The following CHST12 variants were observed in gnomAD, a reference collection of about 807,000 sequenced individuals.
The protein encoded by CHST12 is carbohydrate sulfotransferase 12.
A neutral mutation model predicts 27.9 loss-of-function variants in CHST12; 23 were observed. That is an observed-to-expected ratio of 0.82 (90% CI 0.59 to 1.17). CHST12 has a LOEUF of 1.17. Among genes scored for constraint, CHST12 ranks in the 50% most tolerant of loss-of-function variants. CHST12 has a pLI of 0.00. For missense variants in CHST12, 682 were observed against 603.0 expected (o/e 1.13, Z -1.37); for synonymous variants, 322 against 273.0 (o/e 1.18, Z -1.77).
At chr7:2,403,576 C>CGGGGCCGGCGAG (rs1324672956), upstream of CHST12, 1 of 149,814 alleles carries the variant, frequency 6.7e-6, no homozygotes, top group East Asian at 2.0e-4. Context: ...GCGCCGGGGG[C>CGGGGCCGGCGAG]GGGGCCGGCG....
chr7:2,433,026 G>T lies in CHST12; in HGVS notation c.387G>T (p.Arg129=). Residue 129 remains arginine (R), a synonymous_variant, in exon 2 of 2, where the codon CGG becomes CGT. Coordinates refer to ENST00000618655, the MANE Select transcript of CHST12 (RefSeq NM_018641.5). The surrounding 1 kb of genome is among the most constrained non-coding windows in gnomAD (Gnocchi z 6.1). ...AGGCGGAGCGGAGGAGCGTGCTGCG[G>T]GGCTTCTGCGCCAACTCCAGCCTGG... The part of the protein sequence containing the change: ...RQQAERRSVL[R]GFCANSSLAF... 6.2e-7 allele frequency: 1 copy of T among 1,611,284 alleles called. No homozygotes were observed.
intron 1 of CHST12, among the ~76,000 whole-genome samples, chr7:2,415,741 T>G (rs372297429): frequency 6.6e-6 from 1 of 151,816 alleles, no homozygotes; most frequent in Admixed American, 6.6e-5. Context: ...GCCTCCTGAG[T>G]AGCTGGGACT....
rs1300687139 is a variant in CHST12, at chr7:2,438,289, G to A, written c.*4405G>A. 6.6e-6 allele frequency: 1 copy of A among 152,230 alleles called. No homozygotes were observed. Among genetic ancestry groups the A allele is most frequent in the East Asian group, 1.9e-4 (1 of 5,202 alleles). 9.4% of individuals were successfully genotyped at this position (152,230 alleles called of 1,614,324 possible). On this transcript the variant is annotated 3_prime_UTR_variant, in exon 2 of 2. Coordinates refer to ENST00000618655, the MANE Select transcript of CHST12 (RefSeq NM_018641.5). ...TTGGGGCCACACCAACGTCCCCAGAGTCTTCTCCCTAGAGTCTCTGAAAGG... is the reference window on the plus strand; with the variant it reads ...TTGGGGCCACACCAACGTCCCCAGAATCTTCTCCCTAGAGTCTCTGAAAGG...
In CHST12 at chr7:2,437,272, G is replaced by A. The variant is rs1583231241; in HGVS notation, c.*3388G>A. 1.3e-5 allele frequency: 2 copies of A among 152,272 alleles called. No homozygotes were observed. Among genetic ancestry groups the A allele is most frequent in the African/African-American group, 4.8e-5 (2 of 41,446 alleles). 9.4% of individuals were successfully genotyped at this position (152,272 alleles called of 1,614,324 possible). A position where few individuals can be genotyped will look rare whatever the true frequency, so the allele number is the denominator to read the frequency against. Reference sequence around the variant, plus strand: ...GCCCTGTCTCTTGTGTGATGGCTGCGCCTCGAATCAGTGGGAGGGCACCTC... The same window carrying A: ...GCCCTGTCTCTTGTGTGATGGCTGCACCTCGAATCAGTGGGAGGGCACCTC... On this transcript the variant is annotated 3_prime_UTR_variant, in exon 2 of 2. Coordinates refer to ENST00000618655, the MANE Select transcript of CHST12 (RefSeq NM_018641.5).
chr7:2,415,569 C>T (rs929506289), intron 1 of CHST12, among the ~76,000 whole-genome samples: 13 of 150,836 alleles, frequency 8.6e-5, no homozygotes, highest in Admixed American at 8.6e-4. Context: ...TTGATCAGGG[C>T]GGTGGTTGCT....
At chr7:2,417,817 C>T (rs1047918714) in intron 1 of CHST12, among the ~76,000 whole-genome samples, 7 of 152,228 alleles carry the variant, frequency 4.6e-5, no homozygotes, top group Non-Finnish European at 8.8e-5. Flanking sequence ...TGCTCACAGA[C>T]GCAGTCAGAG....
Position 2,403,667 on chromosome 7 carries a change from T to G in CHST12, c.-84T>G, listed in dbSNP as rs55858457. 0.61 allele frequency: 91,191 copies of G among 148,378 alleles called. 28,045 individuals carry two copies. The highest frequency in any genetic ancestry group is 0.78 in the East Asian group (3,937 of 5,036). 9.2% of individuals were successfully genotyped at this position (148,378 alleles called of 1,614,324 possible). A position where few individuals can be genotyped will look rare whatever the true frequency, so the allele number is the denominator to read the frequency against. ...CGAGGTGAGGGGCGCGAGGTGAGGG[T>G]CGCGAGGTGAGGGGCGCGGCGGGCG... On this transcript the variant is annotated 5_prime_UTR_variant, in exon 1 of 2. Coordinates refer to ENST00000618655, the MANE Select transcript of CHST12 (RefSeq NM_018641.5).
intron 1 of CHST12, among the ~76,000 whole-genome samples, chr7:2,411,827 G>A (rs1040284865): frequency 6.6e-6 from 1 of 152,210 alleles, no homozygotes; most frequent in Non-Finnish European, 1.5e-5. Flanking sequence ...GTGAGTTATC[G>A]TTTGGATTCT....
At chr7:2,414,020 C>T (rs376498681) in intron 1 of CHST12, among the ~76,000 whole-genome samples, 44 of 152,018 alleles carry the variant, frequency 2.9e-4, no homozygotes, top group African/African-American at 8.4e-4. Context: ...TGAGCCACCA[C>T]GCCCGGCCAG....
At position 2,433,372 on chromosome 7, in the gene CHST12, C is replaced by T. The variant is rs1393551872; in HGVS notation, c.733C>T (p.Arg245Cys). 3 of 1,610,718 alleles carry T rather than the reference C, an allele frequency of 1.9e-6. No homozygotes were observed. Among genetic ancestry groups the T allele is most frequent in the African/African-American group, 2.7e-5 (2 of 74,928 alleles). Reference sequence around the variant, plus strand: ...GAAGTACACCAAGTTCCTCTTCGTGCGCGACCCCTTCGTGCGCCTGATCTC... The same window carrying T: ...GAAGTACACCAAGTTCCTCTTCGTGTGCGACCCCTTCGTGCGCCTGATCTC... The part of the protein sequence containing the change: ...LKKYTKFLFV[R>C]DPFVRLISAF... Residue 245 changes from arginine to cysteine, a missense_variant, in exon 2 of 2, where the codon CGC becomes TGC. Arg to Cys is a radical substitution (Grantham distance 180). Transcript: ENST00000618655. The surrounding 1 kb of genome is among the most constrained non-coding windows in gnomAD (Gnocchi z 6.1).
Position 2,447,876 on chromosome 7 carries a change from T to C in CHST12, c.*13992T>C, listed in dbSNP as rs150302446. On this transcript the variant is annotated 3_prime_UTR_variant, in exon 2 of 2. Coordinates refer to ENST00000618655, the MANE Select transcript of CHST12 (RefSeq NM_018641.5). ...GGGAGAGCAGCCTGAATAAACACTTTTTTTGTTGTTGTTGAGGCAGAGCCT... is the reference window on the plus strand; with the variant it reads ...GGGAGAGCAGCCTGAATAAACACTTCTTTTGTTGTTGTTGAGGCAGAGCCT... 6.6e-6 allele frequency: 1 copy of C among 151,904 alleles called. No individual in the cohort carries two copies. The highest frequency in any genetic ancestry group is 2.1e-4 in the South Asian group (1 of 4,810). 9.4% of individuals were successfully genotyped at this position (151,904 alleles called of 1,614,324 possible).
At position 2,434,101 on chromosome 7, in the gene CHST12, TCCGCCCGC is replaced by T. The variant is rs1211788607; in HGVS notation, c.*220_*227del. The stretch of plus-strand genomic sequence containing the variant: ...CTGGAGTAAAATATCCCCTCTCCCC[TCCGCCCGC>T]CCACCCGCCCGCCCGCTCGCCCGCT... On this transcript the variant is annotated 3_prime_UTR_variant, in exon 2 of 2. Coordinates refer to ENST00000618655, the MANE Select transcript of CHST12 (RefSeq NM_018641.5). The T allele has an allele frequency of 2.7e-6, 1 of 373,986 alleles. No individual in the cohort carries two copies. Among genetic ancestry groups the T allele is most frequent in the East Asian group, 4.6e-5 (1 of 21,538 alleles). 23.2% of individuals were successfully genotyped at this position (373,986 alleles called of 1,614,324 possible). A position where few individuals can be genotyped will look rare whatever the true frequency, so the allele number is the denominator to read the frequency against.
intron 1 of CHST12, among the ~76,000 whole-genome samples, chr7:2,411,662 G>C (rs866474019): frequency 6.6e-6 from 1 of 151,754 alleles, no homozygotes. Context: ...GCTACTTTTT[G>C]TATTTAGTAG....
At position 2,433,647 on chromosome 7, in the gene CHST12, C is replaced by T. The variant is rs144571580; in HGVS notation, c.1008C>T (p.Tyr336=). Residue 336 remains tyrosine, a synonymous_variant, in exon 2 of 2, where the codon TAC becomes TAT. Coordinates refer to ENST00000618655, the MANE Select transcript of CHST12 (RefSeq NM_018641.5). This position sits in a 1 kb window ranked among gnomAD's most constrained non-coding sequence, Gnocchi z 6.1. ...YRLCHPCQID[Y]DFVGKLETLD... ...TCTGCCACCCGTGCCAGATCGACTACGACTTCGTGGGGAAGCTGGAGACTC... is the reference window on the plus strand; with the variant it reads ...TCTGCCACCCGTGCCAGATCGACTATGACTTCGTGGGGAAGCTGGAGACTC... 24 of 1,613,650 alleles carry T rather than the reference C, an allele frequency of 1.5e-5. No homozygotes were observed. The highest frequency in any genetic ancestry group is 1.8e-5 in the Non-Finnish European group (21 of 1,179,958).
At chr7:2,408,710 T>C (rs1781589283) in intron 1 of CHST12, among the ~76,000 whole-genome samples, 1 of 152,176 alleles carries the variant, frequency 6.6e-6, no homozygotes, top group Admixed American at 6.5e-5. Flanking sequence ...GATTTGTTCC[T>C]CATGCTTTAA....
intron 1 of CHST12, 41 bp from the exon 2 acceptor site, chr7:2,432,522 G>A (rs1022573498): frequency 9.3e-6 from 11 of 1,187,128 alleles, no homozygotes; most frequent in Middle Eastern, 2.8e-4. Context: ...CAGAGCCCCA[G>A]TGCACCTCAG....
chr7:2,414,774 G>C (rs1311604874), intron 1 of CHST12, among the ~76,000 whole-genome samples: 1 of 152,172 alleles, frequency 6.6e-6, no homozygotes, highest in Non-Finnish European at 1.5e-5. Context: ...GTAAGGCCAT[G>C]ATCCATTGTG....
At chr7:2,415,618 CT>C (rs540084839) in intron 1 of CHST12, among the ~76,000 whole-genome samples, 294 of 140,664 alleles carry the variant, frequency 2.1e-3, no homozygotes, top group Middle Eastern at 0.018. Flanking sequence ...TTTCTTTTTT[CT>C]TTTTTTTTTT....
At chr7:2,408,996 G>T (rs1781595847) in intron 1 of CHST12, among the ~76,000 whole-genome samples, 1 of 152,186 alleles carries the variant, frequency 6.6e-6, no homozygotes, top group African/African-American at 2.4e-5. Flanking sequence ...GAGTTGGGGC[G>T]GGATTAGTGA....
Sources: gnomAD v4.1 joint callset for allele counts (sites outside exome capture counted in the v4.1 genomes callset) on GRCh38, gnomAD v4.1.1 for gene constraint, Gnocchi (gnomAD v3.1) non-coding constraint, MANE v1.5 for transcripts, NCBI Gene and HGNC (gene_info 2026-07-23, HGNC 2026-07-21) for gene names.